CCDC33: variants seen among roughly 807,000 people sequenced by gnomAD.
The protein encoded by CCDC33 is coiled-coil domain containing 33.
In CCDC33, 94 loss-of-function variants were observed where a neutral mutation model predicts 91.9. The observed-to-expected ratio is 1.02, with a 90% CI of 0.87 to 1.21. The LOEUF is 1.21. CCDC33 is among the 50% of genes most tolerant of loss of function. CCDC33 has a pLI of 0.00. For synonymous variants in CCDC33, 396 were observed against 374.5 expected (o/e 1.06, Z -0.66); for missense variants, 940 against 935.5 (o/e 1.00, Z -0.06).
At chr15:74,327,079 A>G (rs1185737567) in intron 11 of CCDC33, among the ~76,000 whole-genome samples, 1 of 152,094 alleles carries the variant, frequency 6.6e-6, no homozygotes, top group Non-Finnish European at 1.5e-5. Context: ...GGAAGAGAGC[A>G]TACAGACTGA....
chr15:74,218,795 C>G lies in CCDC33; in HGVS notation c.609C>G (p.Ser203Arg). The G allele has an allele frequency of 7.8e-7, 1 of 1,287,144 alleles. No individual in the cohort carries two copies. Among genetic ancestry groups the G allele is most frequent in the Non-Finnish European group, 1.0e-6 (1 of 987,308 alleles). The allele number at this position is 1,287,144 out of a possible 1,614,324, so 79.7% of individuals were successfully genotyped here. The change falls in exon 2 of 3, where the codon AGC (serine) becomes AGG (arginine). Residue 203 changes from serine (S) to arginine (R), a missense_variant. Transcript: ENST00000635913. This position sits in a 1 kb window ranked among gnomAD's most constrained non-coding sequence, Gnocchi z 4.8. ...GCCCTCAGCCTCCAGTCTCAGACAG[C>G]CCTCCCAGGGCTGGCCAGCCAGAAC...
intron 2 of CCDC33, among the ~76,000 whole-genome samples, chr15:74,220,883 A>T (rs1310255332): frequency 1.3e-5 from 2 of 152,186 alleles, no homozygotes; most frequent in Non-Finnish European, 1.5e-5. Flanking sequence ...AGCTCCAGAT[A>T]ACTTGCTCTA....
At chr15:74,235,918 C>G (rs551176215), upstream of CCDC33, among the ~76,000 whole-genome samples, 1 of 152,274 alleles carries the variant, frequency 6.6e-6, no homozygotes, top group East Asian at 1.9e-4. Context: ...TCCCACCCAC[C>G]CTCCAAGAAG....
chr15:74,206,244 C>T (rs2074259118), intron 1 of CCDC33, among the ~76,000 whole-genome samples: 2 of 152,184 alleles, frequency 1.3e-5, no homozygotes, highest in South Asian at 2.1e-4. Context: ...CCTGCCCAGT[C>T]TGGTGCGGGC....
intron 2 of CCDC33, among the ~76,000 whole-genome samples, chr15:74,211,972 A>T (rs560704151): frequency 5.9e-5 from 9 of 151,864 alleles, no homozygotes; most frequent in Admixed American, 3.3e-4. Flanking sequence ...CCCACTCCCC[A>T]GTCTGGCTGT....
chr15:74,268,316 G>T, intron 4 of CCDC33, 26 bp from the exon 5 acceptor site: 1 of 1,547,774 alleles, frequency 6.5e-7, no homozygotes, highest in Non-Finnish European at 8.9e-7. Context: ...CTTCCTCTGT[G>T]TCTTCTGCCC....
chr15:74,203,922 A>G (rs2074189182), intron 1 of CCDC33, among the ~76,000 whole-genome samples: 1 of 152,148 alleles, frequency 6.6e-6, no homozygotes, highest in South Asian at 2.1e-4. Context: ...GGGGTGGGGG[A>G]AAGTGTGTTC....
At chr15:74,208,751 C>T (rs1233160837) in intron 1 of CCDC33, 1 of 988,618 alleles carries the variant, frequency 1.0e-6, no homozygotes. Context: ...TCGCTGTTCC[C>T]CGACCTGTTC....
At chr15:74,334,066 C>A in intron 17 of CCDC33, 99 bp downstream of exon 17, 2 of 1,073,812 alleles carry the variant, frequency 1.9e-6, no homozygotes, top group Non-Finnish European at 1.4e-6. Context: ...CAATCTATGA[C>A]CAGGATCAAG....
At chr15:74,228,285 C>T (rs1322502531) in intron 2 of CCDC33, among the ~76,000 whole-genome samples, 1 of 152,194 alleles carries the variant, frequency 6.6e-6, no homozygotes, top group Admixed American at 6.5e-5. Flanking sequence ...TTCTCTGCCC[C>T]CTCCAGCTGT....
intron 11 of CCDC33, among the ~76,000 whole-genome samples, chr15:74,308,421 A>G (rs1050641793): frequency 6.6e-6 from 1 of 151,362 alleles, no homozygotes. Context: ...GTCCGCAGAT[A>G]ATAGAGACCA....
chr15:74,234,280 T>C (rs1311542814), upstream of CCDC33, among the ~76,000 whole-genome samples: 2 of 152,238 alleles, frequency 1.3e-5, no homozygotes, highest in African/African-American at 4.8e-5. Context: ...CACAGTTATC[T>C]ATTAGCTGTG....
Position 74,218,810 on chromosome 15 carries a change from C to A in CCDC33, c.624C>A (p.Gly208=). Residue 208 remains glycine, a synonymous_variant, in exon 2 of 3, where the codon GGC becomes GGA. Transcript: ENST00000635913. The surrounding 1 kb of genome is among the most constrained non-coding windows in gnomAD (Gnocchi z 4.8). ...TCTCAGACAGCCCTCCCAGGGCTGG[C>A]CAGCCAGAACTGATGTCACCATGCC... is the stretch of plus-strand genomic sequence containing the variant. 5 of 1,280,008 alleles carry A rather than the reference C, an allele frequency of 3.9e-6. No individual in the cohort carries two copies. The highest frequency in any genetic ancestry group is 4.1e-6 in the Non-Finnish European group (4 of 983,424). The allele number at this position is 1,280,008 out of a possible 1,614,324, so 79.3% of individuals were successfully genotyped here.
intron 1 of CCDC33, among the ~76,000 whole-genome samples, chr15:74,207,057 G>A (rs983035689): frequency 1.3e-5 from 2 of 152,238 alleles, no homozygotes; most frequent in African/African-American, 4.8e-5. Context: ...GTTGGAGCTG[G>A]CCCATGAAGG....
intron 2 of CCDC33, among the ~76,000 whole-genome samples, chr15:74,259,454 C>T (rs769583439): frequency 1.1e-4 from 16 of 152,042 alleles, no homozygotes; most frequent in Admixed American, 5.9e-4. Flanking sequence ...CATCAAGACC[C>T]GGAGGAGTCA....
At chr15:74,318,090 G>A (rs554189187) in intron 11 of CCDC33, among the ~76,000 whole-genome samples, 16 of 150,598 alleles carry the variant, frequency 1.1e-4, no homozygotes, top group African/African-American at 1.7e-4. Context: ...CTGCTGCGGG[G>A]TGGGGAGGAC....
intron 11 of CCDC33, among the ~76,000 whole-genome samples, chr15:74,328,101 A>G (rs903120835): frequency 6.6e-6 from 1 of 152,212 alleles, no homozygotes; most frequent in African/African-American, 2.4e-5. Context: ...AGCTTGAACC[A>G]GGCTGGGCAA....
Position 74,249,423 on chromosome 15 carries a change from G to T in CCDC33, c.185+5275G>T, listed in dbSNP as rs151149008. On this transcript the variant is annotated intron_variant, in intron 2 of 18. Transcript: ENST00000398814. ...GAATGGCGTAAATCCAGGAGGTGGA[G>T]CTTGCAGTGAGCTGAGATCAAGCAA... 6.2e-3 allele frequency among the ~76,000 whole-genome samples: 947 copies of T among 152,200 alleles called. 9 individuals carry two copies. Among genetic ancestry groups the T allele is most frequent in the African/African-American group, 0.021 (855 of 41,504 alleles).
intron 10 of CCDC33, among the ~76,000 whole-genome samples, 166 bp downstream of exon 10, chr15:74,282,015 G>A (rs1355312510): frequency 6.6e-6 from 1 of 152,230 alleles, no homozygotes; most frequent in Non-Finnish European, 1.5e-5. Context: ...AACGTAGAGA[G>A]AGCTGGGATT....
Sources: allele counts gnomAD v4.1 joint callset (sites outside exome capture counted in the v4.1 genomes callset), GRCh38; gene constraint gnomAD v4.1.1; non-coding constraint Gnocchi (gnomAD v3.1); transcripts MANE v1.5; gene names NCBI Gene and HGNC (gene_info 2026-07-23, HGNC 2026-07-21).